RMDN1: variants seen among roughly 807,000 people sequenced by gnomAD.
RMDN1 encodes the protein regulator of microtubule dynamics 1.
Under a neutral mutation model 48.9 loss-of-function variants are expected in RMDN1, and 48 were observed. That is an observed-to-expected ratio of 0.98 (90% CI 0.78 to 1.25). The LOEUF is 1.25. RMDN1 is among the 50% of genes most tolerant of loss of function. RMDN1 has a pLI of 0.00. For synonymous variants in RMDN1, 148 were observed against 132.6 expected (o/e 1.12, Z -0.80); for missense variants, 418 against 373.4 (o/e 1.12, Z -0.98).
At chr8:86,501,866 T>A (rs1818287771) in intron 2 of RMDN1, among the ~76,000 whole-genome samples, 1 of 151,894 alleles carries the variant, frequency 6.6e-6, no homozygotes, top group Non-Finnish European at 1.5e-5. Context: ...AAATAAATCA[T>A]TCAGCCAGTA....
At chr8:86,503,900 TG>T in intron 2 of RMDN1, 2 of 693,016 alleles carry the variant, frequency 2.9e-6, no homozygotes, top group South Asian at 2.9e-5. Flanking sequence ...GGCTGCCTTA[TG>T]GGATTGTGTA....
chr8:86,493,351 G>C (rs1469734470), intron 2 of RMDN1, among the ~76,000 whole-genome samples: 1 of 152,174 alleles, frequency 6.6e-6, no homozygotes, highest in African/African-American at 2.4e-5. Flanking sequence ...AAATCAGTAT[G>C]TCAAAGAGAT....
At chr8:86,474,400 A>G (rs769366205) in intron 9 of RMDN1, 42 bp from the exon 10 acceptor site, 2 of 1,476,530 alleles carry the variant, frequency 1.4e-6, no homozygotes, top group Admixed American at 1.7e-5. Flanking sequence ...CAGGAGAGCT[A>G]AGAGACTAAC....
At chr8:86,470,475 G>C, downstream of RMDN1, 1 of 1,197,358 alleles carries the variant, frequency 8.4e-7, no homozygotes, top group Non-Finnish European at 1.1e-6. Flanking sequence ...ACCATGTCTT[G>C]CAGAAGAAAC....
rs571621123 is a variant in RMDN1 at position 86,477,763 on chromosome 8, ACT to A, written c.730-441_730-440del. Among the ~76,000 whole-genome samples the A allele has an allele frequency of 5.0e-4, 76 of 152,138 alleles. No individual in the cohort carries two copies. In the South Asian group the frequency reaches 0.015, roughly 31 times the overall value. On this transcript the variant is annotated intron_variant, in intron 7 of 9. Transcript: ENST00000406452. ...TCCTACATACAATGTTAAGTCTGAA[ACT>A]CTTTTTGTCCTACTTAAGCTACTGT... is the stretch of plus-strand genomic sequence containing the variant.
At chr8:86,494,476 A>C (rs770770872) in intron 2 of RMDN1, among the ~76,000 whole-genome samples, 4 of 152,120 alleles carry the variant, frequency 2.6e-5, no homozygotes, top group Non-Finnish European at 4.4e-5. Flanking sequence ...GGATTGCCTG[A>C]GTCCAGGAGG....
rs146103549 is a variant in RMDN1 at position 86,482,609 on chromosome 8, C to T, written c.585+2263G>A. ...GAGTTTTTGTGACAACTGCCTCCCA[C>T]ATCACTGAAGCCTCCCACGAGGTAT... On this transcript the variant is annotated intron_variant, in intron 5 of 9. Transcript: ENST00000406452. The T allele has an allele frequency of 9.0e-4, 684 of 760,766 alleles. No individual in the cohort carries two copies. In the African/African-American group the frequency reaches 9.8e-3, roughly 11 times the overall value. 47.1% of individuals were successfully genotyped at this position (760,766 alleles called of 1,614,324 possible).
chr8:86,489,432 T>C (rs1816073195), intron 2 of RMDN1, among the ~76,000 whole-genome samples: 1 of 152,234 alleles, frequency 6.6e-6, no homozygotes, highest in Admixed American at 6.5e-5. Flanking sequence ...AACATGTACA[T>C]TTAATTTTGT....
intron 5 of RMDN1, among the ~76,000 whole-genome samples, chr8:86,481,560 C>CTTTTTTTT (rs71275857): frequency 2.9e-5 from 3 of 104,488 alleles, no homozygotes; most frequent in Non-Finnish European, 3.8e-5. Flanking sequence ...ATTAATTTTC[C>CTTTTTTTT]TTTTTTTTTT....
At chr8:86,494,112 G>A (rs1248908361) in intron 2 of RMDN1, among the ~76,000 whole-genome samples, 1 of 152,124 alleles carries the variant, frequency 6.6e-6, no homozygotes, top group Non-Finnish European at 1.5e-5. Context: ...TAGACAGGAG[G>A]AATAAGGTTT....
At position 86,472,506 on chromosome 8, in the gene RMDN1, A is replaced by G. The variant is rs886165431; in HGVS notation, c.*1802T>C. 1.4e-6 allele frequency: 1 copy of G among 700,906 alleles called. No homozygotes were observed. The highest frequency in any genetic ancestry group is 1.7e-5 in the African/African-American group (1 of 57,172). The allele number at this position is 700,906 out of a possible 1,614,324, so 43.4% of individuals were successfully genotyped here. A position where few individuals can be genotyped will look rare whatever the true frequency, so the allele number is the denominator to read the frequency against. On this transcript the variant is annotated 3_prime_UTR_variant, in exon 10 of 10. Coordinates refer to ENST00000406452, the MANE Select transcript of RMDN1 (RefSeq NM_016033.3). ...TACAAAAATAAAATTACAGTATACA[A>G]TAACCTTTTAAAATACAGCATCATT...
rs118093644 is a variant in RMDN1 at position 86,503,226 on chromosome 8, C to T, written c.247+3769G>A. Among the ~76,000 whole-genome samples, 1,458 of 151,990 alleles carry T rather than the reference C, an allele frequency of 9.6e-3. 11 individuals are homozygous for T. The highest frequency in any genetic ancestry group is 0.013 in the Non-Finnish European group (910 of 67,968). Reference sequence around the variant, plus strand: ...AATTAGCTAGGTATGGTGATACGTGCCTATAATCCCAGCTACTCAGGAGGC... The same window carrying T: ...AATTAGCTAGGTATGGTGATACGTGTCTATAATCCCAGCTACTCAGGAGGC... On this transcript the variant is annotated intron_variant, in intron 2 of 9. Transcript: ENST00000406452.
intron 3 of RMDN1, among the ~76,000 whole-genome samples, chr8:86,488,351 C>T (rs911228674): frequency 6.6e-6 from 1 of 152,164 alleles, no homozygotes. Context: ...AGTAGTAACA[C>T]CTTTTCTAAA....
chr8:86,488,513 G>T, intron 3 of RMDN1, 39 bp downstream of exon 3: 1 of 1,303,550 alleles, frequency 7.7e-7, no homozygotes, highest in South Asian at 1.6e-5. Flanking sequence ...CAAAAATTTT[G>T]AGGAAACCAC....
At chr8:86,508,885 G>A (rs1819878898), upstream of RMDN1, 3 of 973,986 alleles carry the variant, frequency 3.1e-6, no homozygotes, top group South Asian at 1.4e-4. Flanking sequence ...CTCTCTTCAG[G>A]CGCTCTGACT....
Position 86,480,290 on chromosome 8 carries a change from G to A in RMDN1, c.628C>T (p.Leu210Phe), listed in dbSNP as rs1379794367. The A allele has an allele frequency of 5.2e-6, 8 of 1,536,636 alleles. No individual in the cohort carries two copies. The highest frequency in any genetic ancestry group is 7.1e-6 in the Non-Finnish European group (8 of 1,127,856). The part of the protein sequence containing the change: ...LNPKDATSIH[L>F]MGIWCYTFAE... ...AAATTTTCTTACCAAATACCCATAA[G>A]GTGAATTGAAGTAGCATCTTTAGGG... Residue 210 changes from leucine (L) to phenylalanine (F), a missense_variant, in exon 6 of 10, where the codon CTT becomes TTT. Coordinates refer to ENST00000406452, the MANE Select transcript of RMDN1 (RefSeq NM_016033.3).
intron 2 of RMDN1, among the ~76,000 whole-genome samples, chr8:86,491,941 T>C (rs1252788255): frequency 6.6e-6 from 1 of 152,190 alleles, no homozygotes; most frequent in African/African-American, 2.4e-5. Flanking sequence ...AATCTGAATA[T>C]CTAGATTCAA....
downstream of RMDN1, among the ~76,000 whole-genome samples, chr8:86,472,144 C>T (rs1437178170): frequency 6.6e-6 from 1 of 152,150 alleles, no homozygotes; most frequent in Non-Finnish European, 1.5e-5. Context: ...TATTATGATG[C>T]TTGCAATCAG....
chr8:86,478,776 T>G lies in RMDN1; in HGVS notation c.729+147A>C, dbSNP rs546523850. On this transcript the variant is annotated intron_variant, in intron 7 of 9. Coordinates refer to ENST00000406452, the MANE Select transcript of RMDN1 (RefSeq NM_016033.3). ...ACTCACCAGTCAAGGATAATAAGTGTTAAGCCTTGTGATAACACAGTTGAA... is the reference window on the plus strand; with the variant it reads ...ACTCACCAGTCAAGGATAATAAGTGGTAAGCCTTGTGATAACACAGTTGAA... 180 of 725,262 alleles carry G rather than the reference T, an allele frequency of 2.5e-4. 2 individuals carry two copies. The South Asian group carries it at 2.6e-3, about 10-fold the overall frequency. 44.9% of individuals were successfully genotyped at this position (725,262 alleles called of 1,614,324 possible).
Sources: allele counts gnomAD v4.1 joint callset (sites outside exome capture counted in the v4.1 genomes callset), GRCh38; gene constraint gnomAD v4.1.1; transcripts MANE v1.5; gene names NCBI Gene and HGNC (gene_info 2026-07-23, HGNC 2026-07-21).